Variants in RAB3GAP2 observed in about 807,000 individuals in gnomAD.
RAB3GAP2 encodes rab3 GTPase-activating protein non-catalytic subunit.
In RAB3GAP2, 87 loss-of-function variants were observed where a neutral mutation model predicts 185.3. The observed-to-expected ratio is 0.47, with a 90% CI of 0.39 to 0.56. The LOEUF is 0.56. RAB3GAP2 is among the 20% of genes least tolerant of loss of function. The probability of loss-of-function intolerance (pLI) is 0.00; values close to 1 mark genes in which losing one functional copy is unlikely to be tolerated. For synonymous variants in RAB3GAP2, 554 were observed against 576.1 expected (o/e 0.96, Z 0.55); for missense variants, 1,492 against 1,638.2 (o/e 0.91, Z 1.54).
rs11547779 is a variant in RAB3GAP2 at position 220,157,330 on chromosome 1, C to T, written c.3495G>A (p.Leu1165=). Residue 1165 remains leucine, a synonymous_variant, in exon 31 of 35, where the codon TTG becomes TTA. Coordinates refer to ENST00000358951, the MANE Select transcript of RAB3GAP2 (RefSeq NM_012414.4). ...TCAGAGAAAACCTCATGACTGCATACAAGATGGAGCACAGGATGGAGTGGT... is the reference window on the plus strand; with the variant it reads ...TCAGAGAAAACCTCATGACTGCATATAAGATGGAGCACAGGATGGAGTGGT... The part of the protein sequence containing the change: ...VEHHSILCSI[L]YAVMRFSLKT... 0.093 allele frequency: 150,686 copies of T among 1,613,756 alleles called. 7,612 individuals are homozygous for T. The highest frequency in any genetic ancestry group is 0.13 in the South Asian group (12,217 of 91,070).
At chr1:220,187,214 A>G (rs1231480482) in intron 17 of RAB3GAP2, among the ~76,000 whole-genome samples, 1 of 152,140 alleles carries the variant, frequency 6.6e-6, no homozygotes, top group Non-Finnish European at 1.5e-5. Context: ...GAGTTCCTAT[A>G]ATTTCTTGAA....
chr1:220,191,018 T>A (rs867397487), intron 14 of RAB3GAP2, 50 bp downstream of exon 14: 1 of 1,459,656 alleles, frequency 6.9e-7, no homozygotes, highest in Middle Eastern at 2.3e-4. Context: ...AATAAAAGCA[T>A]TCCTATATTT....
chr1:220,266,921 T>C (rs894591472), intron 1 of RAB3GAP2: 1 of 1,588,642 alleles, frequency 6.3e-7, no homozygotes, highest in African/African-American at 1.3e-5. Flanking sequence ...TCTTGGTATG[T>C]ATTTGCCTCA....
Position 220,158,059 on chromosome 1 carries a change from C to T in RAB3GAP2, c.3262-183G>A, listed in dbSNP as rs1241655327. 2.0e-5 allele frequency among the ~76,000 whole-genome samples: 3 copies of T among 152,162 alleles called. No individual in the cohort carries two copies. The highest frequency in any genetic ancestry group is 7.2e-5 in the African/African-American group (3 of 41,440). ...TTCCTTCTTTTAGATTTACTGTCAA[C>T]CAATTTTAAAGTCAAGCTTTACAAA... On this transcript the variant is annotated intron_variant, in intron 29 of 34. Transcript: ENST00000358951. The surrounding 1 kb of genome is among the most constrained non-coding windows in gnomAD (Gnocchi z 4.3).
At chr1:220,211,329 C>T (rs1482510254) in intron 4 of RAB3GAP2, 4 of 506,724 alleles carry the variant, frequency 7.9e-6, no homozygotes, top group South Asian at 6.2e-5. Flanking sequence ...TCAAATGATC[C>T]CCACGCAGCC....
At chr1:220,271,905 G>A (rs562377101) in intron 1 of RAB3GAP2, among the ~76,000 whole-genome samples, 89 of 125,428 alleles carry the variant, frequency 7.1e-4, no homozygotes, top group Middle Eastern at 4.3e-3. Flanking sequence ...GATACTCAGA[G>A]AGAAAGCTAG....
chr1:220,193,484 T>A, intron 12 of RAB3GAP2, 105 bp from the exon 13 acceptor site: 1 of 1,112,080 alleles, frequency 9.0e-7, no homozygotes, highest in Non-Finnish European at 1.3e-6. Flanking sequence ...TGTTTTTATA[T>A]AAAGAAATAT....
At chr1:220,223,082 G>A (rs1310945043) in intron 2 of RAB3GAP2, among the ~76,000 whole-genome samples, 6 of 151,980 alleles carry the variant, frequency 3.9e-5, no homozygotes, top group South Asian at 2.1e-4. Flanking sequence ...TCGCTCTGAC[G>A]CCCAGGCTGG....
rs369785750 is a variant in RAB3GAP2 at position 220,172,782 on chromosome 1, T to C, written c.2311-40A>G. The C allele has an allele frequency of 2.9e-6, 4 of 1,365,976 alleles. No individual in the cohort carries two copies. The African/African-American group carries it at 4.3e-5, about 15-fold the overall frequency. The allele number at this position is 1,365,976 out of a possible 1,614,324, so 84.6% of individuals were successfully genotyped here. ...AAATCTTTTTCAGTCTAAAAAAAAATTTAGCATAGACAAAATCTTACACTT... is the reference window on the plus strand; with the variant it reads ...AAATCTTTTTCAGTCTAAAAAAAAACTTAGCATAGACAAAATCTTACACTT... On this transcript the variant is annotated intron_variant, in intron 21 of 34. Coordinates refer to ENST00000358951, the MANE Select transcript of RAB3GAP2 (RefSeq NM_012414.4).
In RAB3GAP2 at chr1:220,164,746, T is replaced by G; in HGVS notation, c.3141A>C (p.Ala1047=). 6.2e-7 allele frequency: 1 copy of G among 1,606,424 alleles called. No homozygotes were observed. Among genetic ancestry groups the G allele is most frequent in the Non-Finnish European group, 8.5e-7 (1 of 1,175,088 alleles). The change falls in exon 27 of 35, where the codon GCA becomes GCC. Residue 1047 remains alanine (A), a synonymous_variant. Coordinates refer to ENST00000358951, the MANE Select transcript of RAB3GAP2 (RefSeq NM_012414.4). ...CTGTTTACTTACCATTTTGAACATG[T>G]GCATTAAATATTTGCTTCAAGTGTT... ...SIEHLKQIFN[A]HVQNGIALMM... is the part of the protein sequence containing the mutation.
chr1:220,163,059 A>G (rs1298796727), intron 27 of RAB3GAP2, among the ~76,000 whole-genome samples: 1 of 152,172 alleles, frequency 6.6e-6, no homozygotes, highest in Non-Finnish European at 1.5e-5. Flanking sequence ...GCATAGCTTG[A>G]GCTCAGGAGT....
In RAB3GAP2 at chr1:220,149,124, T is replaced by G. The variant is rs1276489374; in HGVS notation, c.*2127A>C. The G allele has an allele frequency of 3.9e-5, 6 of 152,224 alleles. No individual in the cohort carries two copies. The highest frequency in any genetic ancestry group is 8.8e-5 in the Non-Finnish European group (6 of 68,032). 9.4% of individuals were successfully genotyped at this position (152,224 alleles called of 1,614,324 possible). ...ATTATAGAATGTCTACATAGGTATT[T>G]ATTTGCCTTTCTTCCTATCAATCAG... On this transcript the variant is annotated 3_prime_UTR_variant, in exon 35 of 35. Transcript: ENST00000358951.
At chr1:220,259,468 C>T (rs1660094109) in intron 1 of RAB3GAP2, among the ~76,000 whole-genome samples, 1 of 152,016 alleles carries the variant, frequency 6.6e-6, no homozygotes, top group Admixed American at 6.6e-5. Context: ...TTGACAAAAA[C>T]AAGTAATGGG....
intron 17 of RAB3GAP2, among the ~76,000 whole-genome samples, chr1:220,187,035 C>T (rs1658519141): frequency 6.6e-6 from 1 of 152,178 alleles, no homozygotes; most frequent in South Asian, 2.1e-4. Flanking sequence ...GTCACAAAGG[C>T]TTTTCTGTTC....
chr1:220,240,317 TTTG>T (rs1464200386), intron 1 of RAB3GAP2, among the ~76,000 whole-genome samples: 15 of 152,214 alleles, frequency 9.9e-5, no homozygotes, highest in Non-Finnish European at 2.2e-4. Flanking sequence ...TCTCAGCTCA[TTTG>T]TTGTACAATT....
intron 6 of RAB3GAP2, 94 bp from the exon 7 acceptor site, chr1:220,210,583 T>C: frequency 9.4e-7 from 1 of 1,067,164 alleles, no homozygotes; most frequent in Non-Finnish European, 1.5e-6. Flanking sequence ...CCCCAACAGT[T>C]TTCCAGAGAT....
At chr1:220,260,797 T>C (rs867256157) in intron 1 of RAB3GAP2, among the ~76,000 whole-genome samples, 1 of 152,160 alleles carries the variant, frequency 6.6e-6, no homozygotes, top group Non-Finnish European at 1.5e-5. Context: ...ATACTTCCAA[T>C]AGAACTTTCT....
chr1:220,245,049 G>C (rs1659774335), intron 1 of RAB3GAP2, among the ~76,000 whole-genome samples: 1 of 151,910 alleles, frequency 6.6e-6, no homozygotes, highest in South Asian at 2.1e-4. Context: ...CAGAGTGGGA[G>C]AAAATATTCA....
chr1:220,151,076 A>G lies in RAB3GAP2; in HGVS notation c.*175T>C, dbSNP rs1657743046. ...TTTTATCTTCAGTATTAACCAAAGG[A>G]GTGGAATTTAGCCAGGGTTGCACTT... On this transcript the variant is annotated 3_prime_UTR_variant, in exon 35 of 35. Coordinates refer to ENST00000358951, the MANE Select transcript of RAB3GAP2 (RefSeq NM_012414.4). 8.1e-6 allele frequency: 5 copies of G among 613,966 alleles called. No homozygotes were observed. Among genetic ancestry groups the G allele is most frequent in the Admixed American group, 3.1e-5 (1 of 32,650 alleles). The allele number at this position is 613,966 out of a possible 1,614,324, so 38.0% of individuals were successfully genotyped here. A position where few individuals can be genotyped will look rare whatever the true frequency, so the allele number is the denominator to read the frequency against.
Sources: gnomAD v4.1 joint callset for allele counts (sites outside exome capture counted in the v4.1 genomes callset) on GRCh38, gnomAD v4.1.1 for gene constraint, Gnocchi (gnomAD v3.1) non-coding constraint, MANE v1.5 for transcripts, NCBI Gene and HGNC (gene_info 2026-07-23, HGNC 2026-07-21) for gene names.